FFAR4: variants seen among roughly 807,000 people sequenced by gnomAD.
FFAR4 encodes G-protein coupled receptor 120.
In FFAR4, 19 loss-of-function variants were observed where a neutral mutation model predicts 27.0. The ratio of observed to expected loss-of-function variants is 0.70; its 90% CI spans 0.49 to 1.03. FFAR4 has a LOEUF of 1.03. Among genes scored for constraint, FFAR4 ranks in the 50% least tolerant of loss-of-function variants. FFAR4 has a pLI of 0.00. For missense variants in FFAR4, 476 were observed against 479.0 expected (o/e 0.99, Z 0.06); for synonymous variants, 254 against 215.6 (o/e 1.18, Z -1.56).
Position 93,587,804 on chromosome 10 carries a change from G to A in FFAR4, c.*195G>A. On this transcript the variant is annotated 3_prime_UTR_variant, in exon 3 of 3. Transcript: ENST00000371481. The stretch of plus-strand genomic sequence containing the variant: ...TTTTCCCTTTATAAAAGGATTTGTT[G>A]GCCAGGTGCAGTGGTTCATGCCTGT... The A allele has an allele frequency of 1.7e-6, 1 of 573,426 alleles. No homozygotes were observed. Among genetic ancestry groups the A allele is most frequent in the Non-Finnish European group, 3.0e-6 (1 of 333,568 alleles). The allele number at this position is 573,426 out of a possible 1,614,324, so 35.5% of individuals were successfully genotyped here.
In FFAR4 at chr10:93,566,966, C is replaced by T; in HGVS notation, c.246C>T (p.Phe82=). ...GATACLVLNL[F]CADLLFISAI... ...CTGCCTGCCTGGTACTCAACCTCTT[C>T]TGCGCGGACCTGCTCTTCATCAGCG... The change falls in exon 1 of 3, where the codon TTC becomes TTT. Residue 82 remains phenylalanine, a synonymous_variant. Coordinates refer to ENST00000371481, the MANE Select transcript of FFAR4 (RefSeq NM_001195755.2). 4 of 1,611,836 alleles carry T rather than the reference C, an allele frequency of 2.5e-6. No homozygotes were observed. The highest frequency in any genetic ancestry group is 3.4e-6 in the Non-Finnish European group (4 of 1,179,844).
chr10:93,583,280 A>G (rs1564785143), intron 2 of FFAR4, among the ~76,000 whole-genome samples: 2 of 149,184 alleles, frequency 1.3e-5, no homozygotes, highest in African/African-American at 2.5e-5. Context: ...GCCGGGCGTG[A>G]TGGCGGGCGC....
chr10:93,573,466 G>A (rs993798328), intron 1 of FFAR4, among the ~76,000 whole-genome samples: 2 of 152,124 alleles, frequency 1.3e-5, no homozygotes, highest in Non-Finnish European at 2.9e-5. Flanking sequence ...CACAGCCTGC[G>A]GGAGAATACC....
chr10:93,578,099 G>A (rs1046645632), intron 2 of FFAR4, among the ~76,000 whole-genome samples: 3 of 152,046 alleles, frequency 2.0e-5, no homozygotes, highest in Non-Finnish European at 2.9e-5. Context: ...CTACACAAAC[G>A]TAAGGGACGA....
chr10:93,589,720 A>G lies in FFAR4; in HGVS notation c.*2111A>G, dbSNP rs2058251446. 1 of 152,168 alleles carries G rather than the reference A, an allele frequency of 6.6e-6. No individual in the cohort carries two copies. The highest frequency in any genetic ancestry group is 6.6e-5 in the Admixed American group (1 of 15,262). 9.4% of individuals were successfully genotyped at this position (152,168 alleles called of 1,614,324 possible). On this transcript the variant is annotated 3_prime_UTR_variant, in exon 3 of 3. Coordinates refer to ENST00000371481, the MANE Select transcript of FFAR4 (RefSeq NM_001195755.2). ...GTGGAGCTTGGGCCTGGAGATGCAC[A>G]TTGTTTGGAGATATAAATGGTGTTT...
In FFAR4 at chr10:93,588,037, G is replaced by A; in HGVS notation, c.*428G>A. Reference sequence around the variant, plus strand: ...ACCTGGGAGGCAGAGGTTGCAGTGAGCCGAGATCGTGCCATTGCACTCCAA... The same window carrying A: ...ACCTGGGAGGCAGAGGTTGCAGTGAACCGAGATCGTGCCATTGCACTCCAA... On this transcript the variant is annotated 3_prime_UTR_variant, in exon 3 of 3. Coordinates refer to ENST00000371481, the MANE Select transcript of FFAR4 (RefSeq NM_001195755.2). 6.5e-6 allele frequency: 1 copy of A among 154,348 alleles called. No individual in the cohort carries two copies. The highest frequency in any genetic ancestry group is 1.4e-5 in the Non-Finnish European group (1 of 69,954). 9.6% of individuals were successfully genotyped at this position (154,348 alleles called of 1,614,324 possible).
intron 2 of FFAR4, among the ~76,000 whole-genome samples, chr10:93,582,194 C>T (rs566425840): frequency 6.6e-6 from 1 of 152,208 alleles, no homozygotes; most frequent in African/African-American, 2.4e-5. Context: ...TTCTTCCTCG[C>T]ACCCTACCAG....
At chr10:93,579,974 T>C (rs2058188819) in intron 2 of FFAR4, among the ~76,000 whole-genome samples, 1 of 152,216 alleles carries the variant, frequency 6.6e-6, no homozygotes, top group Admixed American at 6.5e-5. Context: ...AATCCAAATA[T>C]CACTTAAAAA....
intron 1 of FFAR4, among the ~76,000 whole-genome samples, 176 bp from the exon 2 acceptor site, chr10:93,575,915 T>G (rs2058161046): frequency 6.6e-6 from 1 of 152,124 alleles, no homozygotes; most frequent in African/African-American, 2.4e-5. Context: ...CAGGGGCAAG[T>G]GCTTTGCAAG....
chr10:93,569,760 T>TA (rs112928164), intron 1 of FFAR4, among the ~76,000 whole-genome samples: 2,003 of 140,742 alleles, frequency 0.014, 28 homozygotes, highest in African/African-American at 0.044. Context: ...AGCTTGAAAT[T>TA]AAAAAAAAAA....
chr10:93,579,765 C>A (rs1022733662), intron 2 of FFAR4, among the ~76,000 whole-genome samples: 1 of 152,188 alleles, frequency 6.6e-6, no homozygotes, highest in Non-Finnish European at 1.5e-5. Context: ...ACAGGGTCGT[C>A]TCTTCTTGGA....
At chr10:93,571,532 C>T (rs1200728492) in intron 1 of FFAR4, among the ~76,000 whole-genome samples, 1 of 152,196 alleles carries the variant, frequency 6.6e-6, no homozygotes, top group Non-Finnish European at 1.5e-5. Flanking sequence ...TGGATACCGT[C>T]ACCCTTGGGT....
chr10:93,576,911 C>T (rs1177127808), intron 2 of FFAR4, among the ~76,000 whole-genome samples: 2 of 152,122 alleles, frequency 1.3e-5, no homozygotes, highest in Non-Finnish European at 1.5e-5. Context: ...GCACACTGAG[C>T]ATAGGTGTAG....
At chr10:93,569,668 G>A (rs1218451101) in intron 1 of FFAR4, among the ~76,000 whole-genome samples, 1 of 152,022 alleles carries the variant, frequency 6.6e-6, no homozygotes, top group Non-Finnish European at 1.5e-5. Context: ...AGAGAATGAG[G>A]CTGCAGTGTG....
chr10:93,586,352 G>T (rs1010172904), intron 2 of FFAR4, among the ~76,000 whole-genome samples: 1 of 152,266 alleles, frequency 6.6e-6, no homozygotes, highest in African/African-American at 2.4e-5. Flanking sequence ...TGCCATGATT[G>T]TAAGTTTCCT....
chr10:93,578,285 T>A (rs2058176724), intron 2 of FFAR4, among the ~76,000 whole-genome samples: 1 of 151,322 alleles, frequency 6.6e-6, no homozygotes, highest in Non-Finnish European at 1.5e-5. Context: ...GGCGTAGTGG[T>A]GGGCGTCTGT....
At chr10:93,575,559 A>C (rs1808857152) in intron 1 of FFAR4, among the ~76,000 whole-genome samples, 1 of 152,220 alleles carries the variant, frequency 6.6e-6, no homozygotes, top group Non-Finnish European at 1.5e-5. Context: ...GCAGCTCGAC[A>C]CACTTTAGAC....
At chr10:93,569,010 C>T (rs936130110) in intron 1 of FFAR4, among the ~76,000 whole-genome samples, 2 of 152,120 alleles carry the variant, frequency 1.3e-5, no homozygotes, top group Non-Finnish European at 2.9e-5. Flanking sequence ...GTTCTTAGCC[C>T]ACACACACCT....
At chr10:93,577,902 C>T (rs895421699) in intron 2 of FFAR4, among the ~76,000 whole-genome samples, 2 of 151,914 alleles carry the variant, frequency 1.3e-5, no homozygotes, top group Non-Finnish European at 2.9e-5. Context: ...CTGCTCTGTG[C>T]GAAGTGCTTG....
Sources: allele counts gnomAD v4.1 joint callset (sites outside exome capture counted in the v4.1 genomes callset), GRCh38; gene constraint gnomAD v4.1.1; transcripts MANE v1.5; gene names NCBI Gene and HGNC (gene_info 2026-07-23, HGNC 2026-07-21).